Variants in ARHGAP24 observed in about 807,000 individuals in gnomAD.
The protein encoded by ARHGAP24 is Rho GTPase activating protein 24.
A neutral mutation model predicts 76.4 loss-of-function variants in ARHGAP24; 50 were observed. The ratio of observed to expected loss-of-function variants is 0.65; its 90% CI spans 0.52 to 0.83. The LOEUF (loss-of-function observed/expected upper bound fraction) is 0.83, where lower values mean the gene tolerates loss of function less well. ARHGAP24 is among the 40% of genes least tolerant of loss of function. The pLI is 0.00. For missense variants in ARHGAP24, 930 were observed against 914.2 expected (o/e 1.02, Z -0.22); for synonymous variants, 345 against 323.3 (o/e 1.07, Z -0.72).
At chr4:85,562,689 C>A (rs1406199359) in intron 1 of ARHGAP24, among the ~76,000 whole-genome samples, 2 of 152,146 alleles carry the variant, frequency 1.3e-5, no homozygotes, top group African/African-American at 4.8e-5. Flanking sequence ...AGCCAACCAT[C>A]CATAAACTAG....
intron 3 of ARHGAP24, among the ~76,000 whole-genome samples, chr4:85,907,714 T>C (rs1734847586): frequency 6.6e-6 from 1 of 152,208 alleles, no homozygotes; most frequent in Admixed American, 6.5e-5. Context: ...CATTAGACAG[T>C]AGATTACTAA....
At chr4:85,595,092 T>C (rs1419795492) in intron 2 of ARHGAP24, among the ~76,000 whole-genome samples, 1 of 152,078 alleles carries the variant, frequency 6.6e-6, no homozygotes, top group Non-Finnish European at 1.5e-5. Flanking sequence ...GGATAAATAA[T>C]GTAACCTATG....
intron 1 of ARHGAP24, among the ~76,000 whole-genome samples, chr4:85,555,936 A>G (rs1726342713): frequency 6.6e-6 from 1 of 152,150 alleles, no homozygotes; most frequent in African/African-American, 2.4e-5. Flanking sequence ...GGTGTGGTTA[A>G]ATCACTGAGA....
At chr4:85,564,411 G>GGA (rs1553914894) in intron 1 of ARHGAP24, among the ~76,000 whole-genome samples, 4 of 148,134 alleles carry the variant, frequency 2.7e-5, no homozygotes, top group Admixed American at 6.7e-5. Flanking sequence ...GGGGAGCGGG[G>GGA]GGGATAGCAT....
In ARHGAP24 at chr4:85,995,633, T is replaced by C. The variant is rs916486752; in HGVS notation, c.1979T>C (p.Ile660Thr). ...AAACAGGAAATGACCAAACAGAAGATAGAGTATGAGTCCAGGATAAAGAGG... is the reference window on the plus strand; with the variant it reads ...AAACAGGAAATGACCAAACAGAAGACAGAGTATGAGTCCAGGATAAAGAGG... ...SLKQEMTKQK[I>T]EYESRIKSLE... Residue 660 changes from isoleucine (I) to threonine (T), a missense_variant, in exon 9 of 10, where the codon ATA becomes ACA. Transcript: ENST00000395184. 3 of 1,613,646 alleles carry C rather than the reference T, an allele frequency of 1.9e-6. No individual in the cohort carries two copies. The highest frequency in any genetic ancestry group is 2.5e-6 in the Non-Finnish European group (3 of 1,179,962).
chr4:85,836,380 AG>A (rs1457156047), intron 3 of ARHGAP24, among the ~76,000 whole-genome samples: 1 of 152,164 alleles, frequency 6.6e-6, no homozygotes, highest in Non-Finnish European at 1.5e-5. Flanking sequence ...AGGTGTTAGC[AG>A]GTTGATGCTG....
rs576985132 is a variant in ARHGAP24, at chr4:85,940,352, G to T, written c.392-1714G>T. The stretch of plus-strand genomic sequence containing the variant: ...GATTGTTGCCTAATGGACCAAAGAT[G>T]ACTGTAACAAGAGCCAGTATCATGC... On this transcript the variant is annotated intron_variant, in intron 4 of 9. Coordinates refer to ENST00000395184, the MANE Select transcript of ARHGAP24 (RefSeq NM_001025616.3). Among the ~76,000 whole-genome samples the T allele has an allele frequency of 2.3e-3, 353 of 151,940 alleles. 3 individuals are homozygous for T. The highest frequency in any genetic ancestry group is 6.5e-3 in the African/African-American group (269 of 41,468).
At chr4:85,634,846 T>C (rs1363857810) in intron 2 of ARHGAP24, among the ~76,000 whole-genome samples, 1 of 151,884 alleles carries the variant, frequency 6.6e-6, no homozygotes, top group East Asian at 1.9e-4. Context: ...TTAAAAAGAA[T>C]ATTCTCTTTT....
intron 3 of ARHGAP24, among the ~76,000 whole-genome samples, chr4:85,884,158 ATTAG>A (rs1733423309): frequency 1.3e-5 from 2 of 152,156 alleles, no homozygotes; most frequent in Non-Finnish European, 2.9e-5. Flanking sequence ...TGCTCCAATC[ATTAG>A]TTAGTGAATT....
rs183171504 is a variant in ARHGAP24 at position 85,608,807 on chromosome 4, G to A, written c.180+38086G>A. On this transcript the variant is annotated intron_variant, in intron 2 of 9. Coordinates refer to ENST00000395184, the MANE Select transcript of ARHGAP24 (RefSeq NM_001025616.3). ...ACTCCTGACCTCAGGCAATCTGCAC[G>A]CCTCAGCCTCCCAAAGTGTTGGGAT... is the stretch of plus-strand genomic sequence containing the variant. Among the ~76,000 whole-genome samples, 37 of 152,122 alleles carry A rather than the reference G, an allele frequency of 2.4e-4. No individual in the cohort carries two copies. The South Asian group carries it at 6.8e-3, about 28-fold the overall frequency.
chr4:85,914,675 T>C (rs1735274887), intron 3 of ARHGAP24, among the ~76,000 whole-genome samples: 1 of 152,208 alleles, frequency 6.6e-6, no homozygotes, highest in Admixed American at 6.5e-5. Flanking sequence ...ATGCCTATAC[T>C]TCTCACCAAT....
intron 1 of ARHGAP24, among the ~76,000 whole-genome samples, chr4:85,516,121 C>A (rs1281612837): frequency 1.3e-5 from 2 of 152,132 alleles, no homozygotes; most frequent in African/African-American, 4.8e-5. Flanking sequence ...TCCTCCAGCA[C>A]CCCAAAGATG....
rs529355089 is a variant in ARHGAP24 at position 85,802,530 on chromosome 4, G to A, written c.268+80558G>A. 1.2e-3 allele frequency among the ~76,000 whole-genome samples: 190 copies of A among 152,300 alleles called. 3 individuals carry two copies. The highest frequency in any genetic ancestry group is 4.1e-3 in the African/African-American group (170 of 41,574). Reference sequence around the variant, plus strand: ...ATACTTGCTGGATATGGTGGCTCACGCCTGTAATCCTAGCACTTTGGGAGA... The same window carrying A: ...ATACTTGCTGGATATGGTGGCTCACACCTGTAATCCTAGCACTTTGGGAGA... On this transcript the variant is annotated intron_variant, in intron 3 of 9. Coordinates refer to ENST00000395184, the MANE Select transcript of ARHGAP24 (RefSeq NM_001025616.3).
In ARHGAP24 at chr4:86,000,771, A is replaced by C; in HGVS notation, c.*49A>C. On this transcript the variant is annotated 3_prime_UTR_variant, in exon 10 of 10. Transcript: ENST00000395184. ...GATGGCTCTGGCAAGGACTCCAGGG[A>C]TTCTGGTGGGATATGACTTAGAACC... The C allele has an allele frequency of 6.2e-7, 1 of 1,611,680 alleles. No homozygotes were observed. Among genetic ancestry groups the C allele is most frequent in the Non-Finnish European group, 8.5e-7 (1 of 1,178,720 alleles).
intron 3 of ARHGAP24, among the ~76,000 whole-genome samples, chr4:85,725,852 T>TG (rs1313621297): frequency 6.6e-6 from 1 of 152,170 alleles, no homozygotes; most frequent in African/African-American, 2.4e-5. Flanking sequence ...CTGCCTCCTT[T>TG]GGCTTGTCAC....
At chr4:85,842,471 T>G (rs918579575) in intron 3 of ARHGAP24, among the ~76,000 whole-genome samples, 1 of 152,236 alleles carries the variant, frequency 6.6e-6, no homozygotes, top group African/African-American at 2.4e-5. Flanking sequence ...TTTTTATTGT[T>G]GTTATTACAG....
intron 3 of ARHGAP24, among the ~76,000 whole-genome samples, chr4:85,805,790 A>G (rs774634746): frequency 6.6e-6 from 1 of 152,166 alleles, no homozygotes; most frequent in Non-Finnish European, 1.5e-5. Context: ...ATCAACTTTG[A>G]GCTTCAAGAA....
rs7654724 is a variant in ARHGAP24 at position 85,650,946 on chromosome 4, A to G, written c.181-70939A>G. 2.9e-3 allele frequency among the ~76,000 whole-genome samples: 431 copies of G among 149,838 alleles called. 51 individuals carry two copies. Among genetic ancestry groups the G allele is most frequent in the African/African-American group, 9.8e-3 (382 of 39,168 alleles). On this transcript the variant is annotated intron_variant, in intron 2 of 9. Coordinates refer to ENST00000395184, the MANE Select transcript of ARHGAP24 (RefSeq NM_001025616.3). ...TGAATTGCCTTTGAAAATCTGCAAA[A>G]GAAATATAAAGTCCCAGGATAACCT...
intron 5 of ARHGAP24, among the ~76,000 whole-genome samples, chr4:85,967,430 A>T (rs1256162979): frequency 1.3e-5 from 2 of 152,178 alleles, no homozygotes; most frequent in African/African-American, 4.8e-5. Flanking sequence ...ATCAAAGTAG[A>T]CCTATCAGAA....
Sources: allele counts gnomAD v4.1 joint callset (sites outside exome capture counted in the v4.1 genomes callset), GRCh38; gene constraint gnomAD v4.1.1; transcripts MANE v1.5; gene names NCBI Gene and HGNC (gene_info 2026-07-23, HGNC 2026-07-21).